The following ANXA8L1 variants were observed in gnomAD, a reference collection of about 807,000 sequenced individuals.
The protein encoded by ANXA8L1 is annexin A8 like 1.
ANXA8L1 carries 10 observed loss-of-function variants against 22.5 expected under a neutral mutation model. The ratio of observed to expected loss-of-function variants is 0.44; its 90% CI spans 0.27 to 0.75. ANXA8L1 has a LOEUF of 0.75. ANXA8L1 is among the 30% of genes least tolerant of loss of function. The pLI is 0.15. For missense variants in ANXA8L1, 88 were observed against 219.6 expected (o/e 0.40, Z 3.79); for synonymous variants, 36 against 86.0 (o/e 0.42, Z 3.22).
Position 46,391,158 on chromosome 10 carries a change from ACCTTAGTGTTTCTC to A in ANXA8L1, c.*230_*243del. 1 of 360,046 alleles carries A rather than the reference ACCTTAGTGTTTCTC, an allele frequency of 2.8e-6. No homozygotes were observed. Among genetic ancestry groups the A allele is most frequent in the Non-Finnish European group, 5.0e-6 (1 of 200,994 alleles). 22.3% of individuals were successfully genotyped at this position (360,046 alleles called of 1,614,324 possible). A position where few individuals can be genotyped will look rare whatever the true frequency, so the allele number is the denominator to read the frequency against. Reference sequence around the variant, plus strand: ...ATTTCCCAGTGTGAGCACAATGCCAACCTTAGTGTTTCTCCAGCCAGACAGATGCCTCAGCATGA... The same window carrying A: ...ATTTCCCAGTGTGAGCACAATGCCAACAGCCAGACAGATGCCTCAGCATGA... On this transcript the variant is annotated 3_prime_UTR_variant, in exon 12 of 12. Transcript: ENST00000619162.
At position 46,390,903 on chromosome 10, in the gene ANXA8L1, G is replaced by A. The variant is rs782793257; in HGVS notation, c.957G>A (p.Leu319=). 81 of 1,392,770 alleles carry A rather than the reference G, an allele frequency of 5.8e-5. 19 individuals are homozygous for A. The highest frequency in any genetic ancestry group is 7.9e-5 in the Non-Finnish European group (81 of 1,023,594). The allele number at this position is 1,392,770 out of a possible 1,614,324, so 86.3% of individuals were successfully genotyped here. A position where few individuals can be genotyped will look rare whatever the true frequency, so the allele number is the denominator to read the frequency against. ...EDTSGDYKNA[L]LSLVGSDP ...CCAGCGGCGACTACAAGAACGCCCTGCTGAGCCTGGTGGGCAGCGACCCCT... is the reference window on the plus strand; with the variant it reads ...CCAGCGGCGACTACAAGAACGCCCTACTGAGCCTGGTGGGCAGCGACCCCT... The change falls in exon 12 of 12, where the codon CTG becomes CTA. Residue 319 remains leucine (L), a synonymous_variant. Transcript: ENST00000619162.
chr10:46,389,656 T>TG (rs1233709032), intron 11 of ANXA8L1, among the ~76,000 whole-genome samples: 1 of 151,216 alleles, frequency 6.6e-6, no homozygotes, highest in African/African-American at 2.5e-5. Context: ...GTATAACTCA[T>TG]GTATTTGAAA....
intron 1 of ANXA8L1, among the ~76,000 whole-genome samples, chr10:46,379,169 G>A (rs1839966743): frequency 6.6e-6 from 1 of 151,796 alleles, no homozygotes; most frequent in Admixed American, 6.6e-5. Flanking sequence ...ACACACTTAT[G>A]TCCATGTTAA....
Position 46,391,109 on chromosome 10 carries a change from C to T in ANXA8L1, c.*179C>T. On this transcript the variant is annotated 3_prime_UTR_variant, in exon 12 of 12. Transcript: ENST00000619162. ...CCAGAGGGTGGAACCGGCCTGGACT[C>T]CTCTTCCCAACTTCCTCCAGGTCAT... 2.2e-6 allele frequency: 1 copy of T among 464,584 alleles called. No homozygotes were observed. The highest frequency in any genetic ancestry group is 3.6e-6 in the Non-Finnish European group (1 of 274,932). The allele number at this position is 464,584 out of a possible 1,614,324, so 28.8% of individuals were successfully genotyped here. A position where few individuals can be genotyped will look rare whatever the true frequency, so the allele number is the denominator to read the frequency against.
rs541678805 is a variant in ANXA8L1 at position 46,390,255 on chromosome 10, C to T, written c.925-616C>T. 2.2e-3 allele frequency among the ~76,000 whole-genome samples: 338 copies of T among 150,326 alleles called. 7 individuals are homozygous for T. Among genetic ancestry groups the T allele is most frequent in the African/African-American group, 8.1e-3 (327 of 40,436 alleles). On this transcript the variant is annotated intron_variant, in intron 11 of 11. Transcript: ENST00000619162. ...AAGGTCAGTCTCATCAGGAGACAAA[C>T]ACTGTGGACCCGATGTGAGCCAGAT...
At position 46,375,779 on chromosome 10, in the gene ANXA8L1, C is replaced by T. The variant is rs1212173210; in HGVS notation, c.-73C>T. ...TCACTCCTCAGCTGCAGGAGCCAGA[C>T]GTGTGGAGTCCCAGCAGAGGCCAAC... is the stretch of plus-strand genomic sequence containing the variant. On this transcript the variant is annotated 5_prime_UTR_variant, in exon 1 of 12. The change creates a new upstream start codon in the 5' untranslated region. Coordinates refer to ENST00000619162, the MANE Select transcript of ANXA8L1 (RefSeq NM_001098845.3). 8.7e-5 allele frequency: 140 copies of T among 1,607,134 alleles called. 1 individual carries two copies. Among genetic ancestry groups the T allele is most frequent in the African/African-American group, 1.4e-4 (10 of 73,654 alleles).
rs1385851618 is a variant in ANXA8L1, at chr10:46,384,488, A to T, written c.492+203A>T. The stretch of plus-strand genomic sequence containing the variant: ...ACACTTGTCCTTACTCAGCCATGTG[A>T]GAGCATCCTGGAAGCGGGAGGAGAG... On this transcript the variant is annotated intron_variant, in intron 6 of 11. Transcript: ENST00000619162. Among the ~76,000 whole-genome samples, 14 of 107,358 alleles carry T rather than the reference A, an allele frequency of 1.3e-4. No individual in the cohort carries two copies. In the East Asian group the frequency reaches 2.8e-3, roughly 22 times the overall value. The allele number at this position is 107,358 out of a possible 152,430, so 70.4% of individuals were successfully genotyped here.
At chr10:46,385,161 A>C (rs1840022321) in intron 7 of ANXA8L1, among the ~76,000 whole-genome samples, 1 of 67,342 alleles carries the variant, frequency 1.5e-5, no homozygotes, top group African/African-American at 7.2e-5. Flanking sequence ...GGGACCAGGC[A>C]GTTCCTAGAG....
chr10:46,389,909 T>C (rs1565095830), intron 11 of ANXA8L1, among the ~76,000 whole-genome samples: 1 of 151,446 alleles, frequency 6.6e-6, no homozygotes, highest in Non-Finnish European at 1.5e-5. Context: ...AAAATTTCAT[T>C]GTAGTTTGAA....
At chr10:46,385,328 C>A in intron 7 of ANXA8L1, 52 bp from the exon 8 acceptor site, 1 of 668,936 alleles carries the variant, frequency 1.5e-6, no homozygotes, top group East Asian at 2.5e-5. Flanking sequence ...GGGCTCAGTC[C>A]CTCACCTCCC....
chr10:46,390,450 C>T (rs558257772), intron 11 of ANXA8L1, among the ~76,000 whole-genome samples: 5 of 111,546 alleles, frequency 4.5e-5, no homozygotes, highest in African/African-American at 2.0e-4. Flanking sequence ...CACCCCCGGC[C>T]CTGCTCCCAG....
chr10:46,378,824 A>C, intron 1 of ANXA8L1, among the ~76,000 whole-genome samples: 1 of 106,722 alleles, frequency 9.4e-6, no homozygotes, highest in East Asian at 2.1e-4. Context: ...AGATACTTAC[A>C]GATATACCAT....
chr10:46,390,228 A>G (rs1394862328), intron 11 of ANXA8L1, among the ~76,000 whole-genome samples: 1 of 150,630 alleles, frequency 6.6e-6, no homozygotes, highest in Non-Finnish European at 1.5e-5. Flanking sequence ...TCATCGGACC[A>G]CAAGGTCAGT....
intron 2 of ANXA8L1, chr10:46,380,895 C>T: frequency 7.0e-6 from 1 of 143,350 alleles, no homozygotes; most frequent in South Asian, 3.4e-5. Flanking sequence ...GCCACCCAGA[C>T]CTCAGATTCC....
intron 4 of ANXA8L1, 140 bp downstream of exon 4, chr10:46,382,832 AG>A: frequency 2.1e-6 from 1 of 476,030 alleles, no homozygotes; most frequent in Non-Finnish European, 3.5e-6. Flanking sequence ...AACTGGGCCC[AG>A]TGAGCAGGCA....
intron 6 of ANXA8L1, 62 bp from the exon 7 acceptor site, chr10:46,384,712 C>G (rs1413244755): frequency 2.4e-5 from 39 of 1,612,206 alleles, no homozygotes; most frequent in South Asian, 2.2e-4. Flanking sequence ...CAGGATCCCC[C>G]CTGTGCCCTT....
chr10:46,378,876 C>CGAGG (rs1839962194), intron 1 of ANXA8L1, among the ~76,000 whole-genome samples: 1 of 133,588 alleles, frequency 7.5e-6, no homozygotes, highest in East Asian at 2.3e-4. Context: ...CCCAGGGCTT[C>CGAGG]GATGGATGGA....
chr10:46,376,688 C>T lies in ANXA8L1; in HGVS notation c.21+816C>T, dbSNP rs1839933618. Among the ~76,000 whole-genome samples the T allele has an allele frequency of 1.8e-5, 2 of 113,264 alleles. 1 individual carries two copies. The highest frequency in any genetic ancestry group is 2.0e-4 in the Admixed American group (2 of 10,176). 74.3% of individuals were successfully genotyped at this position (113,264 alleles called of 152,430 possible). ...TCTATGGTTGAGCCTGAGGCCATCG[C>T]TGTGCTAAGGAGTTGAATATCCAGA... is the stretch of plus-strand genomic sequence containing the variant. On this transcript the variant is annotated intron_variant, in intron 1 of 11. Transcript: ENST00000619162.
chr10:46,376,372 G>A (rs1377708418), intron 1 of ANXA8L1, among the ~76,000 whole-genome samples: 3 of 143,464 alleles, frequency 2.1e-5, no homozygotes, highest in South Asian at 4.9e-4. Flanking sequence ...AGATGGACCT[G>A]GGGAAGCAGG....
Sources: allele counts gnomAD v4.1 joint callset (sites outside exome capture counted in the v4.1 genomes callset), GRCh38; gene constraint gnomAD v4.1.1; transcripts MANE v1.5; gene names NCBI Gene and HGNC (gene_info 2026-07-23, HGNC 2026-07-21).